ERP44: variants seen among roughly 807,000 people sequenced by gnomAD.
ERP44 encodes the protein endoplasmic reticulum protein 44, also known as endoplasmic reticulum resident protein 44.
In ERP44, 25 loss-of-function variants were observed where a neutral mutation model predicts 53.4. The ratio of observed to expected loss-of-function variants is 0.47; its 90% CI spans 0.34 to 0.65. The LOEUF (loss-of-function observed/expected upper bound fraction) is 0.65. Among genes scored for constraint, ERP44 ranks in the 30% least tolerant of loss-of-function variants. The probability of loss-of-function intolerance (pLI) is 0.01; values close to 1 mark genes in which losing one functional copy is unlikely to be tolerated. For missense variants in ERP44, 338 were observed against 493.2 expected (o/e 0.69, Z 2.98); for synonymous variants, 145 against 161.2 (o/e 0.90, Z 0.76).
intron 5 of ERP44, among the ~76,000 whole-genome samples, chr9:100,021,702 A>G (rs900171380): frequency 6.6e-6 from 1 of 152,248 alleles, no homozygotes; most frequent in African/African-American, 2.4e-5. Context: ...AAAAGTAATT[A>G]GAGCAGACAC....
At chr9:100,006,165 A>T (rs1447165677) in intron 10 of ERP44, among the ~76,000 whole-genome samples, 2 of 152,218 alleles carry the variant, frequency 1.3e-5, no homozygotes, top group Non-Finnish European at 2.9e-5. Context: ...TATTTTTCTC[A>T]ATGTGCTTGG....
Position 99,994,172 on chromosome 9 carries a change from A to G in ERP44, c.1017-9103T>C, listed in dbSNP as rs561701666. Reference sequence around the variant, plus strand: ...ACTGGGTATATACCCAAAGCATTATAAATCATGCTATTATAAAGACACATG... The same window carrying G: ...ACTGGGTATATACCCAAAGCATTATGAATCATGCTATTATAAAGACACATG... On this transcript the variant is annotated intron_variant, in intron 10 of 11. Transcript: ENST00000262455. Among the ~76,000 whole-genome samples, 11 of 152,354 alleles carry G rather than the reference A, an allele frequency of 7.2e-5. No individual in the cohort carries two copies. In the South Asian group the frequency reaches 2.3e-3, roughly 32 times the overall value.
In ERP44 at chr9:100,052,493, T is replaced by A; in HGVS notation, c.210A>T (p.Glu70Asp). The A allele has an allele frequency of 6.2e-7, 1 of 1,612,856 alleles. No individual in the cohort carries two copies. The highest frequency in any genetic ancestry group is 8.5e-7 in the Non-Finnish European group (1 of 1,179,398). The change falls in exon 4 of 12, where the codon GAA becomes GAT. Residue 70 changes from glutamate to aspartate, a missense_variant. Transcript: ENST00000262455. The part of the protein sequence containing the change: ...FSQMLHPIFE[E>D]ASDVIKEEFP... ...ATTCTTCCTTAATGACATCGGAAGC[T>A]TCCTCAAAAATTGGATGCAACATCT...
chr9:100,088,611 A>G (rs1826513876), intron 1 of ERP44, among the ~76,000 whole-genome samples: 1 of 152,258 alleles, frequency 6.6e-6, no homozygotes, highest in Non-Finnish European at 1.5e-5. Flanking sequence ...TCTAAGAATG[A>G]GAAAAGGGGA....
At chr9:99,998,702 T>G (rs1255973902) in intron 10 of ERP44, 1 of 725,890 alleles carries the variant, frequency 1.4e-6, no homozygotes, top group East Asian at 2.5e-5. Flanking sequence ...CTCTGCAATT[T>G]TCTTCGGTTT....
At chr9:100,020,456 C>G (rs1830575775) in intron 6 of ERP44, among the ~76,000 whole-genome samples, 160 bp downstream of exon 6, 1 of 152,112 alleles carries the variant, frequency 6.6e-6, no homozygotes, top group African/African-American at 2.4e-5. Context: ...CTTTTAAAAC[C>G]TTAAAAAGAA....
At chr9:100,037,791 C>A (rs747089237) in intron 4 of ERP44, among the ~76,000 whole-genome samples, 6 of 152,138 alleles carry the variant, frequency 3.9e-5, no homozygotes, top group Non-Finnish European at 8.8e-5. Flanking sequence ...CGACAGGATT[C>A]ATCACCTGCT....
intron 10 of ERP44, among the ~76,000 whole-genome samples, chr9:100,003,852 C>G (rs1830402555): frequency 1.3e-5 from 2 of 152,132 alleles, no homozygotes; most frequent in Admixed American, 1.3e-4. Context: ...GAGCCTGGGT[C>G]TGCAGAGATA....
At chr9:99,999,103 G>GTCCACGCCCCGCC in intron 10 of ERP44, 1 of 659,022 alleles carries the variant, frequency 1.5e-6, no homozygotes, top group Non-Finnish European at 2.8e-6. Context: ...ACAGCGGCGG[G>GTCCACGCCCCGCC]GCGTGGACAC....
chr9:100,096,290 C>T (rs7848085), intron 1 of ERP44, among the ~76,000 whole-genome samples: 1,735 of 151,934 alleles, frequency 0.011, 26 homozygotes, highest in African/African-American at 0.039. Context: ...ATTTTCCCAG[C>T]GGAAAACCCT....
At chr9:100,087,512 G>C (rs1826498694) in intron 1 of ERP44, among the ~76,000 whole-genome samples, 1 of 152,134 alleles carries the variant, frequency 6.6e-6, no homozygotes, top group Admixed American at 6.5e-5. Flanking sequence ...CACCTATTAT[G>C]TGGCAAAAAC....
At chr9:100,025,971 G>A (rs1830646710) in intron 4 of ERP44, among the ~76,000 whole-genome samples, 1 of 152,152 alleles carries the variant, frequency 6.6e-6, no homozygotes, top group African/African-American at 2.4e-5. Flanking sequence ...ATATTTTTAA[G>A]ATACCAGAAA....
rs114453999 is a variant in ERP44 at position 100,063,152 on chromosome 9, C to T, written c.58-2980G>A. On this transcript the variant is annotated intron_variant, in intron 1 of 11. Coordinates refer to ENST00000262455, the MANE Select transcript of ERP44 (RefSeq NM_015051.3). Reference sequence around the variant, plus strand: ...AATACTTACATGGCAAAAATATTTACATGCTAAGTAATGGCAAAAATGAGG... The same window carrying T: ...AATACTTACATGGCAAAAATATTTATATGCTAAGTAATGGCAAAAATGAGG... Among the ~76,000 whole-genome samples the T allele has an allele frequency of 3.7e-3, 518 of 140,452 alleles. 2 individuals are homozygous for T. The highest frequency in any genetic ancestry group is 0.012 in the African/African-American group (464 of 37,226). The allele number at this position is 140,452 out of a possible 152,430, so 92.1% of individuals were successfully genotyped here.
At chr9:100,045,818 G>A (rs1825960520) in intron 4 of ERP44, among the ~76,000 whole-genome samples, 2 of 152,106 alleles carry the variant, frequency 1.3e-5, no homozygotes, top group South Asian at 4.1e-4. Flanking sequence ...TTGCTAGGAA[G>A]CTTCTTACAG....
chr9:100,092,531 T>C (rs373778227), intron 1 of ERP44, among the ~76,000 whole-genome samples: 4 of 152,264 alleles, frequency 2.6e-5, no homozygotes, highest in Admixed American at 6.5e-5. Flanking sequence ...GGAACTTACA[T>C]AGATGCCATG....
intron 10 of ERP44, among the ~76,000 whole-genome samples, chr9:100,006,026 T>C (rs2118631572): frequency 6.6e-6 from 1 of 152,354 alleles, no homozygotes; most frequent in South Asian, 2.1e-4. Flanking sequence ...GAACAGTTCA[T>C]AGCTATATGC....
At chr9:100,069,281 G>T (rs1263648243) in intron 1 of ERP44, among the ~76,000 whole-genome samples, 3 of 133,690 alleles carry the variant, frequency 2.2e-5, no homozygotes, top group African/African-American at 8.5e-5. Context: ...ACCCAAGAAT[G>T]ATCAATAAAA....
chr9:100,005,876 A>G (rs1420044086), intron 10 of ERP44, among the ~76,000 whole-genome samples: 1 of 152,284 alleles, frequency 6.6e-6, no homozygotes, highest in African/African-American at 2.4e-5. Context: ...TTCGTATAAG[A>G]AACATCTACA....
At chr9:100,049,240 C>G (rs1587974494) in intron 4 of ERP44, among the ~76,000 whole-genome samples, 2 of 152,116 alleles carry the variant, frequency 1.3e-5, no homozygotes, top group South Asian at 4.2e-4. Context: ...GGAGACCTGT[C>G]TCTAAAAATA....
Sources: gnomAD v4.1 joint callset for allele counts (sites outside exome capture counted in the v4.1 genomes callset) on GRCh38, gnomAD v4.1.1 for gene constraint, MANE v1.5 for transcripts, NCBI Gene and HGNC (gene_info 2026-07-23, HGNC 2026-07-21) for gene names.